The following MAPKAP1 variants were observed in gnomAD, a reference collection of about 807,000 sequenced individuals.
MAPKAP1 encodes the protein target of rapamycin complex 2 subunit MAPKAP1.
Under a neutral mutation model 65.7 loss-of-function variants are expected in MAPKAP1, and 20 were observed. The observed-to-expected ratio is 0.30, with a 90% CI of 0.21 to 0.44. The LOEUF is 0.44. MAPKAP1 is among the 20% of genes least tolerant of loss of function. The pLI is 1.00. For synonymous variants in MAPKAP1, 222 were observed against 244.3 expected (o/e 0.91, Z 0.85); for missense variants, 423 against 648.0 (o/e 0.65, Z 3.77).
intron 10 of MAPKAP1, among the ~76,000 whole-genome samples, chr9:125,456,153 G>A (rs927144495): frequency 1.2e-4 from 16 of 134,052 alleles, no homozygotes; most frequent in South Asian, 9.7e-4. Context: ...TGTCTTCTTC[G>A]GCTGCTTTTA....
intron 10 of MAPKAP1, among the ~76,000 whole-genome samples, chr9:125,457,229 T>A (rs1304399499): frequency 6.6e-6 from 1 of 152,182 alleles, no homozygotes; most frequent in East Asian, 1.9e-4. Flanking sequence ...CCTCAGGTGA[T>A]CTACCCACCT....
intron 4 of MAPKAP1, among the ~76,000 whole-genome samples, chr9:125,649,963 C>G (rs1042773993): frequency 6.6e-6 from 1 of 152,162 alleles, no homozygotes; most frequent in Non-Finnish European, 1.5e-5. Context: ...GAGAAGCCCT[C>G]TTTCAGTGCT....
rs10646202 is a variant in MAPKAP1 at position 125,693,846 on chromosome 9, T to TATACACAC, written c.-70+13124_-70+13125insGTGTGTAT. Among the ~76,000 whole-genome samples the TATACACAC allele has an allele frequency of 4.1e-3, 559 of 135,538 alleles. 9 individuals carry two copies. The highest frequency in any genetic ancestry group is 0.013 in the African/African-American group (484 of 36,660). 88.9% of individuals were successfully genotyped at this position (135,538 alleles called of 152,430 possible). A position where few individuals can be genotyped will look rare whatever the true frequency, so the allele number is the denominator to read the frequency against. On this transcript the variant is annotated intron_variant, in intron 1 of 11. Coordinates refer to ENST00000265960, the MANE Select transcript of MAPKAP1 (RefSeq NM_001006617.3). ...ACACACACACATATATATACACACA[T>TATACACAC]ACACACACACACACACACACACACA...
intron 4 of MAPKAP1, among the ~76,000 whole-genome samples, chr9:125,642,487 T>C (rs1207363016): frequency 6.6e-6 from 1 of 152,152 alleles, no homozygotes; most frequent in African/African-American, 2.4e-5. Flanking sequence ...GGATTTGACC[T>C]AGGTTTCAAC....
chr9:125,702,405 A>C (rs200819086), intron 1 of MAPKAP1, among the ~76,000 whole-genome samples: 1 of 152,108 alleles, frequency 6.6e-6, no homozygotes, highest in African/African-American at 2.4e-5. Flanking sequence ...GTGGTGGCGC[A>C]TACCTGTAAT....
At chr9:125,504,463 G>A (rs966376354) in intron 8 of MAPKAP1, among the ~76,000 whole-genome samples, 6 of 152,096 alleles carry the variant, frequency 3.9e-5, no homozygotes, top group Non-Finnish European at 8.8e-5. Context: ...GGAAGAGGCT[G>A]TCTGGGGCCC....
chr9:125,625,243 A>T (rs76951181), intron 4 of MAPKAP1, among the ~76,000 whole-genome samples: 110 of 101,102 alleles, frequency 1.1e-3, no homozygotes, highest in Middle Eastern at 5.0e-3. Flanking sequence ...CAATAAAAAA[A>T]AAATAAATAA....
chr9:125,609,312 G>A (rs1306640507), intron 4 of MAPKAP1, among the ~76,000 whole-genome samples: 1 of 152,098 alleles, frequency 6.6e-6, no homozygotes, highest in African/African-American at 2.4e-5. Flanking sequence ...CAGCAAGTGG[G>A]AACTTCCTTT....
At chr9:125,451,808 G>GT (rs71374268) in intron 10 of MAPKAP1, among the ~76,000 whole-genome samples, 38,892 of 117,736 alleles carry the variant, frequency 0.33, 7,573 homozygotes, top group East Asian at 0.39. Context: ...ACTCACAGGA[G>GT]TTTTTTTTTT....
intron 8 of MAPKAP1, among the ~76,000 whole-genome samples, chr9:125,499,855 T>C (rs1022105680): frequency 2.0e-5 from 3 of 151,806 alleles, no homozygotes; most frequent in African/African-American, 7.2e-5. Flanking sequence ...GGTGTGGTAG[T>C]GTGTGCCCGT....
intron 7 of MAPKAP1, among the ~76,000 whole-genome samples, chr9:125,533,740 CG>C (rs1829998768): frequency 1.3e-5 from 2 of 152,184 alleles, no homozygotes; most frequent in Admixed American, 6.5e-5. Flanking sequence ...TGAGCCACTA[CG>C]CTCGGCCAGG....
chr9:125,446,069 C>T (rs972019074), intron 10 of MAPKAP1, among the ~76,000 whole-genome samples: 1 of 152,150 alleles, frequency 6.6e-6, no homozygotes, highest in East Asian at 1.9e-4. Context: ...ATTGAAGCAG[C>T]GGCTGGTCAT....
chr9:125,635,532 G>A (rs1443051907), intron 4 of MAPKAP1, among the ~76,000 whole-genome samples: 2 of 152,196 alleles, frequency 1.3e-5, no homozygotes, highest in African/African-American at 2.4e-5. Context: ...TTTGCCACAA[G>A]ACCGTTCATG....
chr9:125,655,168 A>C (rs1052815320), intron 4 of MAPKAP1, among the ~76,000 whole-genome samples: 2 of 152,200 alleles, frequency 1.3e-5, no homozygotes, highest in Non-Finnish European at 2.9e-5. Flanking sequence ...TGAGGCTAAA[A>C]GCATGGTGTT....
chr9:125,536,842 T>C (rs1318824203), intron 7 of MAPKAP1, among the ~76,000 whole-genome samples: 2 of 152,184 alleles, frequency 1.3e-5, no homozygotes, highest in Non-Finnish European at 2.9e-5. Context: ...CTAAAATATA[T>C]ATGGGTTTCC....
intron 3 of MAPKAP1, among the ~76,000 whole-genome samples, chr9:125,660,391 A>C (rs1211281422): frequency 6.6e-6 from 1 of 152,218 alleles, no homozygotes; most frequent in Non-Finnish European, 1.5e-5. Context: ...TGAGCTGTAC[A>C]TTTAATATCT....
chr9:125,453,886 C>CTA (rs898013133), intron 10 of MAPKAP1, among the ~76,000 whole-genome samples: 2 of 152,212 alleles, frequency 1.3e-5, no homozygotes, highest in African/African-American at 4.8e-5. Context: ...TCCCAAAACT[C>CTA]TAATTTTCAC....
At chr9:125,465,908 C>T (rs940051078) in intron 10 of MAPKAP1, among the ~76,000 whole-genome samples, 1 of 152,090 alleles carries the variant, frequency 6.6e-6, no homozygotes, top group Non-Finnish European at 1.5e-5. Context: ...GGGTCAGGTT[C>T]GAAAGGCATA....
chr9:125,480,385 A>G (rs1589225157), intron 9 of MAPKAP1, among the ~76,000 whole-genome samples: 1 of 152,238 alleles, frequency 6.6e-6, no homozygotes, highest in African/African-American at 2.4e-5. Context: ...GCGACTCTAC[A>G]CCAGAGGGTG....
Sources: allele counts gnomAD v4.1 joint callset (sites outside exome capture counted in the v4.1 genomes callset), GRCh38; gene constraint gnomAD v4.1.1; transcripts MANE v1.5; gene names NCBI Gene and HGNC (gene_info 2026-07-23, HGNC 2026-07-21).